Variants in OSBPL9 observed in about 807,000 individuals in gnomAD.
The protein encoded by OSBPL9 is oxysterol-binding protein-related protein 9.
OSBPL9 carries 40 observed loss-of-function variants against 106.6 expected under a neutral mutation model. The observed-to-expected ratio is 0.38, with a 90% CI of 0.29 to 0.49. The LOEUF (loss-of-function observed/expected upper bound fraction) is 0.49. OSBPL9 is among the 20% of genes least tolerant of loss of function. The pLI, the probability that OSBPL9 is intolerant of heterozygous loss-of-function variation, is 0.97. For missense variants in OSBPL9, 609 were observed against 887.2 expected, an observed-to-expected ratio of 0.69 and a Z score of 3.98; for synonymous variants, 269 against 295.4, an observed-to-expected ratio of 0.91 and a Z score of 0.92.
chr1:51,635,372 G>T (rs2148662148), intron 1 of OSBPL9, among the ~76,000 whole-genome samples: 1 of 152,192 alleles, frequency 6.6e-6, no homozygotes, highest in East Asian at 1.9e-4. Context: ...AGATAAGGAG[G>T]TCTCAGAAAA....
At chr1:51,598,930 G>A (rs1422780779) in intron 2 of OSBPL9, among the ~76,000 whole-genome samples, 1 of 151,410 alleles carries the variant, frequency 6.6e-6, no homozygotes, top group African/African-American at 2.4e-5. Context: ...GGAGACAGAG[G>A]TTGCAGTGAG....
chr1:51,521,976 C>T, the OSBPL9 span, among the ~76,000 whole-genome samples: 8 of 151,912 alleles, frequency 5.3e-5, no homozygotes, highest in African/African-American at 1.9e-4. Flanking sequence ...AGGCTGGTCT[C>T]GAACTCCTGA....
In OSBPL9 at chr1:51,784,451, C is replaced by T. The variant is rs1298497333; in HGVS notation, c.1698C>T (p.Leu566=). ...TFPNGYGRSI[L]TVPWVELGGE... ...ACTTTTGATTTTGCAGGTCTATCCT[C>T]ACAGTGCCCTGGGTGGAATTAGGAG... is the stretch of plus-strand genomic sequence containing the variant. Residue 566 remains leucine, a synonymous_variant, in exon 20 of 24, where the codon CTC becomes CTT. Coordinates refer to ENST00000428468, the MANE Select transcript of OSBPL9 (RefSeq NM_024586.6). 2 of 1,614,038 alleles carry T rather than the reference C, an allele frequency of 1.2e-6. No homozygotes were observed. The highest frequency in any genetic ancestry group is 2.7e-5 in the African/African-American group (2 of 74,920).
the OSBPL9 span, among the ~76,000 whole-genome samples, chr1:51,571,069 C>G: frequency 1.3e-5 from 2 of 152,190 alleles, no homozygotes; most frequent in Admixed American, 1.3e-4. Flanking sequence ...AGTCACCACA[C>G]CCGGCTGGGT....
At chr1:51,607,033 G>C (rs967078842) in intron 2 of OSBPL9, among the ~76,000 whole-genome samples, 10 of 151,490 alleles carry the variant, frequency 6.6e-5, no homozygotes, top group African/African-American at 2.4e-4. Context: ...CTGGGCGACA[G>C]AGTGAGACTC....
chr1:51,732,478 C>G (rs1264006062), intron 4 of OSBPL9, among the ~76,000 whole-genome samples: 1 of 152,188 alleles, frequency 6.6e-6, no homozygotes, highest in Non-Finnish European at 1.5e-5. Flanking sequence ...AGTTCTTATA[C>G]TGACAATGTA....
At position 51,638,436 on chromosome 1, in the gene OSBPL9, G is replaced by A. The variant is rs180993238; in HGVS notation, c.112-13555G>A. Among the ~76,000 whole-genome samples the A allele has an allele frequency of 4.7e-4, 72 of 152,212 alleles. 3 individuals are homozygous for A. In the South Asian group the frequency reaches 0.012, roughly 25 times the overall value. ...GCTATCAGGATGGCTTTAGGAGTCC[G>A]TGCTCTCTTAAATAGAAAGGAGACT... On this transcript the variant is annotated intron_variant, in intron 1 of 23. Transcript: ENST00000428468.
At chr1:51,785,566 C>G in intron 20 of OSBPL9, 1 of 504,012 alleles carries the variant, frequency 2.0e-6, no homozygotes, top group East Asian at 3.8e-5. Flanking sequence ...ATGGTCCTTG[C>G]ACCCAGAATA....
At chr1:51,724,336 T>C (rs1662710227) in intron 4 of OSBPL9, among the ~76,000 whole-genome samples, 1 of 152,152 alleles carries the variant, frequency 6.6e-6, no homozygotes, top group Non-Finnish European at 1.5e-5. Flanking sequence ...TGGGCTGGAG[T>C]GCAGTGGCGC....
chr1:51,627,793 C>G (rs892926376), intron 1 of OSBPL9, among the ~76,000 whole-genome samples: 5 of 152,040 alleles, frequency 3.3e-5, no homozygotes, highest in African/African-American at 4.8e-5. Context: ...ATGCCTGTCT[C>G]TGTTAGTCCA....
chr1:51,749,781 C>T (rs1198613146), intron 7 of OSBPL9, among the ~76,000 whole-genome samples: 2 of 151,378 alleles, frequency 1.3e-5, no homozygotes, highest in Non-Finnish European at 2.9e-5. Context: ...ACGGGGATCG[C>T]TTGAGCCTCT....
intron 14 of OSBPL9, among the ~76,000 whole-genome samples, chr1:51,773,023 C>A (rs1674282916): frequency 6.6e-6 from 1 of 152,160 alleles, no homozygotes; most frequent in African/African-American, 2.4e-5. Context: ...GCAAACCACG[C>A]ACGGTCTTCA....
intron 2 of OSBPL9, among the ~76,000 whole-genome samples, chr1:51,606,011 G>GA (rs1643946192): frequency 6.7e-6 from 1 of 149,360 alleles, no homozygotes; most frequent in African/African-American, 2.5e-5. Flanking sequence ...GAGAGAGAAA[G>GA]AAAAAAGAAA....
At chr1:51,618,111 G>C (rs762296921) in intron 1 of OSBPL9, among the ~76,000 whole-genome samples, 3 of 151,818 alleles carry the variant, frequency 2.0e-5, no homozygotes, top group African/African-American at 4.8e-5. Flanking sequence ...TCTGCCTCTC[G>C]GGTTCAAGCG....
chr1:51,783,774 G>C (rs1676955674), intron 17 of OSBPL9, 141 bp from the exon 18 acceptor site: 3 of 636,126 alleles, frequency 4.7e-6, no homozygotes, highest in East Asian at 2.7e-5. Context: ...ATAAAAGGCA[G>C]GTAGGTACCT....
chr1:51,559,440 T>TACACACACAC, the OSBPL9 span, among the ~76,000 whole-genome samples: 37 of 147,640 alleles, frequency 2.5e-4, no homozygotes, highest in African/African-American at 9.2e-4. Context: ...CACACATACA[T>TACACACACAC]ACACACACAC....
In OSBPL9 at chr1:51,786,506, C is replaced by T. The variant is rs775409912; in HGVS notation, c.1909-20C>T. On this transcript the variant is annotated intron_variant, in intron 21 of 23. Coordinates refer to ENST00000428468, the MANE Select transcript of OSBPL9 (RefSeq NM_024586.6). The stretch of plus-strand genomic sequence containing the variant: ...AGGGGTTTATGGGTCTAGTTCCCAT[C>T]CACCTCTATTGTTTTCTAGGAAAAT... 1.3e-6 allele frequency: 2 copies of T among 1,517,470 alleles called. No individual in the cohort carries two copies. Among genetic ancestry groups the T allele is most frequent in the South Asian group, 2.3e-5 (2 of 88,426 alleles). The allele number at this position is 1,517,470 out of a possible 1,614,324, so 94.0% of individuals were successfully genotyped here. A position where few individuals can be genotyped will look rare whatever the true frequency, so the allele number is the denominator to read the frequency against.
intron 2 of OSBPL9, among the ~76,000 whole-genome samples, chr1:51,661,495 TGCCTTGATAGTGTGACCCTGGA>T: frequency 6.6e-6 from 1 of 152,274 alleles, no homozygotes; most frequent in African/African-American, 2.4e-5. Flanking sequence ...TTCTTTTTGG[TGCCTTGATAGTGTGACCCTGGA>T]GCAACAGGCA....
At position 51,651,982 on chromosome 1, in the gene OSBPL9, T is replaced by G. The variant is rs1190406295; in HGVS notation, c.112-9T>G. 4 of 1,603,492 alleles carry G rather than the reference T, an allele frequency of 2.5e-6. No homozygotes were observed. The highest frequency in any genetic ancestry group is 1.3e-5 in the African/African-American group (1 of 74,494). ...GTTTTATTCATTGAATGCTTTGTTT[T>G]TCTTTTAGTCCAAGGACAAAATGAT... On this transcript the variant is annotated splice_polypyrimidine_tract_variant and intron_variant, in intron 1 of 23. Transcript: ENST00000428468.
Sources: gnomAD v4.1 joint callset for allele counts (sites outside exome capture counted in the v4.1 genomes callset) on GRCh38, gnomAD v4.1.1 for gene constraint, MANE v1.5 for transcripts, NCBI Gene and HGNC (gene_info 2026-07-23, HGNC 2026-07-21) for gene names.